The following OSBPL8 variants were observed in gnomAD, a reference collection of about 807,000 sequenced individuals.
The protein encoded by OSBPL8 is oxysterol binding protein like 8, also known as oxysterol-binding protein-related protein 8.
Under a neutral mutation model 125.5 loss-of-function variants are expected in OSBPL8, and 59 were observed. That is an observed-to-expected ratio of 0.47 (90% CI 0.38 to 0.58). The LOEUF is 0.58. Ranked by LOEUF, OSBPL8 falls within the 20% of genes least tolerant of loss-of-function variation. OSBPL8 has a pLI of 0.00. For synonymous variants in OSBPL8, 330 were observed against 338.9 expected (o/e 0.97, Z 0.29); for missense variants, 758 against 1,047.8 (o/e 0.72, Z 3.82).
At chr12:76,517,278 G>A (rs1385214873) in intron 1 of OSBPL8, among the ~76,000 whole-genome samples, 1 of 152,038 alleles carries the variant, frequency 6.6e-6, no homozygotes, top group African/African-American at 2.4e-5. Context: ...GGGGGGTGTG[G>A]AGGTAAGAGG....
At chr12:76,404,477 A>G (rs1305396675) in intron 5 of OSBPL8, among the ~76,000 whole-genome samples, 1 of 151,938 alleles carries the variant, frequency 6.6e-6, no homozygotes, top group Admixed American at 6.6e-5. Context: ...TTATAGGCAG[A>G]TTTTTTTTCT....
intron 11 of OSBPL8, 52 bp from the exon 12 acceptor site, chr12:76,389,881 A>G: frequency 7.4e-7 from 1 of 1,349,262 alleles, no homozygotes; most frequent in Non-Finnish European, 9.8e-7. Context: ...TCAGACAGAT[A>G]TGTAAACAAG....
At chr12:76,398,223 T>C (rs1250526500) in intron 7 of OSBPL8, among the ~76,000 whole-genome samples, 1 of 152,196 alleles carries the variant, frequency 6.6e-6, no homozygotes, top group East Asian at 1.9e-4. Context: ...TTTCTAACAC[T>C]GATCATGGCT....
intron 1 of OSBPL8, among the ~76,000 whole-genome samples, chr12:76,532,960 T>G (rs944687183): frequency 9.2e-5 from 14 of 152,348 alleles, no homozygotes; most frequent in African/African-American, 3.4e-4. Context: ...GTAAATCATT[T>G]AAGTTACCCA....
At chr12:76,389,265 G>A (rs1953455625) in intron 12 of OSBPL8, among the ~76,000 whole-genome samples, 2 of 152,186 alleles carry the variant, frequency 1.3e-5, no homozygotes, top group Admixed American at 1.3e-4. Flanking sequence ...AGACAAGTAT[G>A]AGCAAACACA....
intron 19 of OSBPL8, 185 bp downstream of exon 19, chr12:76,371,263 G>A (rs1459971052): frequency 1.8e-6 from 1 of 545,526 alleles, no homozygotes; most frequent in Non-Finnish European, 2.8e-6. Context: ...CTACAGAAAA[G>A]CAAGACGATT....
intron 4 of OSBPL8, chr12:76,422,969 A>G (rs994822004): frequency 6.0e-6 from 1 of 166,860 alleles, no homozygotes; most frequent in Non-Finnish European, 1.3e-5. Flanking sequence ...CTTTAGGAAA[A>G]CAAAACAAGA....
rs777647026 is a variant in OSBPL8 at position 76,410,540 on chromosome 12, A to C, written c.288+24T>G. The stretch of plus-strand genomic sequence containing the variant: ...CAAATATTAAGAATATGTCATAATC[A>C]TGTATTTGCTTATATATGCTTACCT... On this transcript the variant is annotated intron_variant, in intron 5 of 23. Transcript: ENST00000261183. 17 of 1,503,034 alleles carry C rather than the reference A, an allele frequency of 1.1e-5. No individual in the cohort carries two copies. The South Asian group carries it at 1.7e-4, about 15-fold the overall frequency. The allele number at this position is 1,503,034 out of a possible 1,614,324, so 93.1% of individuals were successfully genotyped here. A position where few individuals can be genotyped will look rare whatever the true frequency, so the allele number is the denominator to read the frequency against.
chr12:76,478,074 C>T (rs1354240359), intron 2 of OSBPL8, among the ~76,000 whole-genome samples: 1 of 151,774 alleles, frequency 6.6e-6, no homozygotes, highest in Admixed American at 6.6e-5. Context: ...CATGGTGGTG[C>T]GCCTGTAATC....
intron 15 of OSBPL8, 45 bp from the exon 16 acceptor site, chr12:76,378,595 C>T: frequency 7.3e-6 from 10 of 1,369,534 alleles, no homozygotes; most frequent in South Asian, 1.2e-5. Context: ...ACTTATTCAA[C>T]CAATTCAAAA....
At chr12:76,477,406 C>T (rs932236008) in intron 2 of OSBPL8, among the ~76,000 whole-genome samples, 1 of 152,092 alleles carries the variant, frequency 6.6e-6, no homozygotes, top group African/African-American at 2.4e-5. Context: ...GTGATGAAAA[C>T]GGCACTTTAT....
intron 2 of OSBPL8, among the ~76,000 whole-genome samples, chr12:76,485,195 T>C (rs991681530): frequency 6.6e-6 from 1 of 151,542 alleles, no homozygotes; most frequent in Non-Finnish European, 1.5e-5. Context: ...AGTGCTGGGA[T>C]TACAGGTGTG....
At chr12:76,495,854 G>T (rs974259374) in intron 1 of OSBPL8, among the ~76,000 whole-genome samples, 2 of 152,080 alleles carry the variant, frequency 1.3e-5, no homozygotes, top group African/African-American at 2.4e-5. Context: ...AGTTTCTTCT[G>T]CTTTTTTTGT....
At chr12:76,442,757 G>C (rs927868865) in intron 4 of OSBPL8, among the ~76,000 whole-genome samples, 2 of 152,130 alleles carry the variant, frequency 1.3e-5, no homozygotes, top group Non-Finnish European at 2.9e-5. Flanking sequence ...AAGACAGGAG[G>C]AACTGCTTCA....
intron 1 of OSBPL8, among the ~76,000 whole-genome samples, chr12:76,557,973 A>G (rs1951159552): frequency 6.6e-6 from 1 of 152,232 alleles, no homozygotes; most frequent in Non-Finnish European, 1.5e-5. Context: ...GCACCTGTGT[A>G]CACGGTATTG....
chr12:76,414,271 T>C (rs1487739739), intron 4 of OSBPL8, among the ~76,000 whole-genome samples: 1 of 152,076 alleles, frequency 6.6e-6, no homozygotes, highest in Non-Finnish European at 1.5e-5. Flanking sequence ...TGCCTAGAAA[T>C]GGTGAATGCA....
chr12:76,541,207 G>C (rs1272014791), intron 1 of OSBPL8, among the ~76,000 whole-genome samples: 1 of 152,262 alleles, frequency 6.6e-6, no homozygotes, highest in East Asian at 1.9e-4. Context: ...GGTCAGGCGC[G>C]GTGGCTCATG....
intron 1 of OSBPL8, among the ~76,000 whole-genome samples, chr12:76,552,951 A>T (rs1306599727): frequency 6.6e-6 from 1 of 152,214 alleles, no homozygotes; most frequent in Non-Finnish European, 1.5e-5. Flanking sequence ...GATGCACAGC[A>T]CTGCTTTTCT....
chr12:76,375,408 A>G (rs1372750559), intron 16 of OSBPL8, 38 bp from the exon 17 acceptor site: 10 of 1,371,306 alleles, frequency 7.3e-6, no homozygotes, highest in Non-Finnish European at 1.0e-5. Flanking sequence ...TGAAAAGAGT[A>G]TAGTATAGTA....
Sources: gnomAD v4.1 joint callset for allele counts (sites outside exome capture counted in the v4.1 genomes callset) on GRCh38, gnomAD v4.1.1 for gene constraint, MANE v1.5 for transcripts, NCBI Gene and HGNC (gene_info 2026-07-23, HGNC 2026-07-21) for gene names.